GSG1L: variants seen among roughly 807,000 people sequenced by gnomAD.
The protein encoded by GSG1L is GSG1 like.
In GSG1L, 24 loss-of-function variants were observed where a neutral mutation model predicts 42.1. The ratio of observed to expected loss-of-function variants is 0.57; its 90% CI spans 0.41 to 0.80. GSG1L has a LOEUF of 0.80. Among genes scored for constraint, GSG1L ranks in the 30% least tolerant of loss-of-function variants. The pLI is 0.00. For synonymous variants in GSG1L, 215 were observed against 203.5 expected (o/e 1.06, Z -0.48); for missense variants, 445 against 472.2 (o/e 0.94, Z 0.53).
intron 2 of GSG1L, among the ~76,000 whole-genome samples, chr16:27,947,303 A>G (rs1181346461): frequency 6.6e-6 from 1 of 151,248 alleles, no homozygotes; most frequent in Non-Finnish European, 1.5e-5. Context: ...ATGTTTCTTA[A>G]CCTCTCTGAG....
intron 6 of GSG1L, among the ~76,000 whole-genome samples, chr16:27,804,169 A>T (rs1306682407): frequency 6.6e-6 from 1 of 151,860 alleles, no homozygotes; most frequent in Non-Finnish European, 1.5e-5. Flanking sequence ...TCCCTGCTGC[A>T]GAATCAACTT....
chr16:27,856,158 C>CCG (rs1491248184), intron 3 of GSG1L, among the ~76,000 whole-genome samples: 3 of 116,406 alleles, frequency 2.6e-5, no homozygotes, highest in African/African-American at 1.1e-4. Flanking sequence ...GGAATGTGCA[C>CCG]CCCCCCCCAT....
intron 2 of GSG1L, among the ~76,000 whole-genome samples, chr16:27,891,212 G>A (rs2084121714): frequency 6.6e-6 from 1 of 152,206 alleles, no homozygotes; most frequent in Admixed American, 6.5e-5. Flanking sequence ...CCCACCAGGG[G>A]ACGAGTGCTT....
At chr16:27,939,417 C>A (rs956182315) in intron 2 of GSG1L, among the ~76,000 whole-genome samples, 1 of 152,228 alleles carries the variant, frequency 6.6e-6, no homozygotes, top group East Asian at 1.9e-4. Flanking sequence ...CATGAGGCAC[C>A]AGGCCAGCCC....
At chr16:27,853,752 T>G (rs1342175039) in intron 3 of GSG1L, among the ~76,000 whole-genome samples, 1 of 152,178 alleles carries the variant, frequency 6.6e-6, no homozygotes, top group Non-Finnish European at 1.5e-5. Context: ...TCCACCAGCC[T>G]TGTTCAGCTC....
At chr16:27,883,796 T>C (rs2083992491) in intron 3 of GSG1L, among the ~76,000 whole-genome samples, 1 of 152,220 alleles carries the variant, frequency 6.6e-6, no homozygotes, top group Non-Finnish European at 1.5e-5. Context: ...CTGAATCTGC[T>C]GCAGCGACCC....
intron 5 of GSG1L, among the ~76,000 whole-genome samples, chr16:27,815,566 C>T (rs1045299256): frequency 2.6e-5 from 4 of 152,154 alleles, no homozygotes; most frequent in Admixed American, 6.5e-5. Context: ...GATGGGGATG[C>T]TTGGTGTGAA....
At position 27,837,059 on chromosome 16, in the gene GSG1L, T is replaced by G. The variant is rs533694460; in HGVS notation, c.662+7891A>C. ...GTCTAGGTTTCCCACTGGGCGAGTGTATTAGTCTGTGTAATTTATAAAGGG... is the reference window on the plus strand; with the variant it reads ...GTCTAGGTTTCCCACTGGGCGAGTGGATTAGTCTGTGTAATTTATAAAGGG... On this transcript the variant is annotated intron_variant, in intron 4 of 6. Coordinates refer to ENST00000447459, the MANE Select transcript of GSG1L (RefSeq NM_001109763.2). Among the ~76,000 whole-genome samples the G allele has an allele frequency of 5.3e-5, 8 of 152,276 alleles. No homozygotes were observed. In the East Asian group the frequency reaches 1.5e-3, roughly 29 times the overall value.
chr16:27,979,661 AAGAGAG>A (rs1555512078), intron 1 of GSG1L, among the ~76,000 whole-genome samples: 6 of 67,696 alleles, frequency 8.9e-5, no homozygotes, highest in South Asian at 9.5e-4. Flanking sequence ...GAAAGAAAGA[AAGAGAG>A]AGAGAGAGAG....
intron 2 of GSG1L, among the ~76,000 whole-genome samples, chr16:27,903,321 C>G (rs1413480327): frequency 2.0e-5 from 3 of 152,034 alleles, no homozygotes; most frequent in South Asian, 2.1e-4. Flanking sequence ...GGCTGCCACA[C>G]AGAGAGAGAG....
intron 5 of GSG1L, among the ~76,000 whole-genome samples, chr16:27,812,473 A>G (rs2083043467): frequency 6.6e-6 from 1 of 152,234 alleles, no homozygotes; most frequent in Admixed American, 6.5e-5. Context: ...AAGCAGACAT[A>G]GACGAGATGG....
intron 1 of GSG1L, among the ~76,000 whole-genome samples, chr16:28,038,142 T>C (rs986029188): frequency 2.0e-5 from 3 of 152,120 alleles, no homozygotes; most frequent in Non-Finnish European, 4.4e-5. Flanking sequence ...TTTTGTTTTG[T>C]TGTTGTGTTT....
intron 3 of GSG1L, among the ~76,000 whole-genome samples, chr16:27,861,980 A>C (rs1025138599): frequency 7.9e-5 from 12 of 152,296 alleles, no homozygotes; most frequent in African/African-American, 2.4e-4. Context: ...CTCAGATGTG[A>C]CCCAACCCAA....
chr16:27,797,997 A>G (rs72780144), intron 6 of GSG1L, among the ~76,000 whole-genome samples: 26,510 of 151,944 alleles, frequency 0.17, 2,360 homozygotes, highest in African/African-American at 0.23. Context: ...CGGCCATAGA[A>G]AGGGAAATAC....
At chr16:28,013,799 C>T (rs2085751074) in intron 1 of GSG1L, among the ~76,000 whole-genome samples, 1 of 152,244 alleles carries the variant, frequency 6.6e-6, no homozygotes, top group African/African-American at 2.4e-5. Flanking sequence ...TGCAGACACC[C>T]AGGCCTCCCA....
At chr16:27,819,142 A>G (rs2083125593) in intron 5 of GSG1L, among the ~76,000 whole-genome samples, 1 of 151,848 alleles carries the variant, frequency 6.6e-6, no homozygotes, top group South Asian at 2.1e-4. Context: ...CTCAGCTACT[A>G]GGGAGGCTGA....
intron 5 of GSG1L, among the ~76,000 whole-genome samples, chr16:27,819,811 T>C (rs1281790851): frequency 6.6e-6 from 1 of 152,148 alleles, no homozygotes; most frequent in Non-Finnish European, 1.5e-5. Context: ...CCTGATGACG[T>C]TAGCATATTG....
chr16:27,806,207 A>G (rs963173617), intron 6 of GSG1L, among the ~76,000 whole-genome samples: 2 of 152,072 alleles, frequency 1.3e-5, no homozygotes, highest in Non-Finnish European at 2.9e-5. Flanking sequence ...GTGTGAGCCC[A>G]TGGTTCACTT....
chr16:28,052,851 C>A (rs758679448), intron 1 of GSG1L, among the ~76,000 whole-genome samples: 73 of 152,334 alleles, frequency 4.8e-4, no homozygotes, highest in Non-Finnish European at 8.5e-4. Context: ...GAGAGATCCA[C>A]CAAGCGGAGA....
Sources: gnomAD v4.1 joint callset for allele counts (sites outside exome capture counted in the v4.1 genomes callset) on GRCh38, gnomAD v4.1.1 for gene constraint, MANE v1.5 for transcripts, NCBI Gene and HGNC (gene_info 2026-07-23, HGNC 2026-07-21) for gene names.